The following NPFFR1 variants were observed in gnomAD, a reference collection of about 807,000 sequenced individuals.
NPFFR1 encodes G-protein coupled receptor 147.
In NPFFR1, 17 loss-of-function variants were observed where a neutral mutation model predicts 12.7. That is an observed-to-expected ratio of 1.34 (90% confidence interval 0.92 to 2.01). The LOEUF (loss-of-function observed/expected upper bound fraction) is 2.01, where lower values mean the gene tolerates loss of function less well. NPFFR1 is among the 30% of genes most tolerant of loss of function. The pLI is 0.00. For missense variants in NPFFR1, 604 were observed against 606.5 expected (o/e 1.00, Z 0.04); for synonymous variants, 296 against 264.5 (o/e 1.12, Z -1.16).
chr10:70,277,862 G>T (rs1840820083), intron 1 of NPFFR1: 3 of 484,376 alleles, frequency 6.2e-6, no homozygotes, highest in Admixed American at 2.2e-5. Flanking sequence ...GCAAATGAGG[G>T]TTACTGCCCG....
chr10:70,257,672 G>A (rs940910444), intron 3 of NPFFR1, among the ~76,000 whole-genome samples: 10 of 152,342 alleles, frequency 6.6e-5, no homozygotes, highest in African/African-American at 1.9e-4. Flanking sequence ...ATTAGTAAAA[G>A]AGGAAAGCCT....
chr10:70,280,899 G>A (rs1840854464), intron 1 of NPFFR1, among the ~76,000 whole-genome samples: 2 of 152,224 alleles, frequency 1.3e-5, no homozygotes, highest in Non-Finnish European at 2.9e-5. Context: ...CTACTCAGGA[G>A]GTTGAGGCAA....
Position 70,254,723 on chromosome 10 carries a change from ATG to A in NPFFR1, c.*232_*233del, listed in dbSNP as rs1840543259. 2.4e-6 allele frequency: 1 copy of A among 414,910 alleles called. No homozygotes were observed. The highest frequency in any genetic ancestry group is 3.6e-5 in the East Asian group (1 of 27,916). The allele number at this position is 414,910 out of a possible 1,614,324, so 25.7% of individuals were successfully genotyped here. A position where few individuals can be genotyped will look rare whatever the true frequency, so the allele number is the denominator to read the frequency against. The stretch of plus-strand genomic sequence containing the variant: ...AGCGTTGTGACAATTCAGTGAGATG[ATG>A]TTTGTCAAGCCCACCACACAGGGCA... On this transcript the variant is annotated 3_prime_UTR_variant, in exon 4 of 4. Transcript: ENST00000277942.
rs1022318672 is a variant in NPFFR1, at chr10:70,251,671, G to C, written c.*3286C>G. ...ATCTCCGAACTTGCCGCTTATGAAAGGGCAGTCACCTTAGGAAACCCAGCC... is the reference window on the plus strand; with the variant it reads ...ATCTCCGAACTTGCCGCTTATGAAACGGCAGTCACCTTAGGAAACCCAGCC... On this transcript the variant is annotated 3_prime_UTR_variant, in exon 4 of 4. Transcript: ENST00000277942. The C allele has an allele frequency of 2.0e-5, 3 of 152,266 alleles. No homozygotes were observed. Among genetic ancestry groups the C allele is most frequent in the African/African-American group, 7.2e-5 (3 of 41,458 alleles). 9.4% of individuals were successfully genotyped at this position (152,266 alleles called of 1,614,324 possible).
chr10:70,272,451 C>T (rs909925377), intron 1 of NPFFR1, among the ~76,000 whole-genome samples: 9 of 152,200 alleles, frequency 5.9e-5, no homozygotes, highest in Non-Finnish European at 1.2e-4. Context: ...GATGCAGAGA[C>T]GCTGGACCCG....
At chr10:70,283,463 A>G (rs1477544733) in intron 1 of NPFFR1, among the ~76,000 whole-genome samples, 1 of 151,194 alleles carries the variant, frequency 6.6e-6, no homozygotes. Context: ...ATACACACGC[A>G]CACACACACA....
chr10:70,267,674 C>T (rs1840708100), intron 1 of NPFFR1, among the ~76,000 whole-genome samples: 1 of 152,218 alleles, frequency 6.6e-6, no homozygotes, highest in African/African-American at 2.4e-5. Flanking sequence ...GATGTTGTGT[C>T]ATAAACTTTC....
In NPFFR1 at chr10:70,254,387, T is replaced by C. The variant is rs562647420; in HGVS notation, c.*570A>G. ...GCAGCGGGGGCACACCGTGTTCTTC[T>C]AGAAAAGGATCAAGGGGAGTGGCTT... On this transcript the variant is annotated 3_prime_UTR_variant, in exon 4 of 4. Transcript: ENST00000277942. The C allele has an allele frequency of 1.0e-4, 16 of 152,468 alleles. No homozygotes were observed. The highest frequency in any genetic ancestry group is 3.6e-4 in the African/African-American group (15 of 41,558). The allele number at this position is 152,468 out of a possible 1,614,324, so 9.4% of individuals were successfully genotyped here. A position where few individuals can be genotyped will look rare whatever the true frequency, so the allele number is the denominator to read the frequency against.
intron 1 of NPFFR1, among the ~76,000 whole-genome samples, chr10:70,273,083 A>C (rs1012119855): frequency 1.3e-5 from 2 of 152,224 alleles, no homozygotes; most frequent in Non-Finnish European, 2.9e-5. Context: ...CGTGTGATAA[A>C]ATACTGATGA....
At chr10:70,277,268 C>G (rs1840813761) in intron 1 of NPFFR1, among the ~76,000 whole-genome samples, 1 of 152,192 alleles carries the variant, frequency 6.6e-6, no homozygotes, top group Non-Finnish European at 1.5e-5. Context: ...ATGGAGGCTG[C>G]AGCCCCACAG....
intron 1 of NPFFR1, among the ~76,000 whole-genome samples, chr10:70,272,211 G>GAAAGAAAGAA (rs10664195): frequency 1.8e-5 from 1 of 55,822 alleles, no homozygotes; most frequent in East Asian, 6.5e-4. Flanking sequence ...AAGAAAGAAA[G>GAAAGAAAGAA]GAAAGAAAGA....
chr10:70,255,569 C>G lies in NPFFR1; in HGVS notation c.681G>C (p.Ala227=). Reference sequence around the variant, plus strand: ...ACATGACCACGATGAGCGCCAGCGGCGCCAGGTAGATGTGCGAGAAGAGCA... The same window carrying G: ...ACATGACCACGATGAGCGCCAGCGGGGCCAGGTAGATGTGCGAGAAGAGCA... ...TTVLFSHIYL[A]PLALIVVMYA... is the part of the protein sequence containing the mutation. Residue 227 remains alanine (A), a synonymous_variant, in exon 4 of 4, where the codon GCG becomes GCC. Coordinates refer to ENST00000277942, the MANE Select transcript of NPFFR1 (RefSeq NM_022146.5). The surrounding 1 kb of genome is among the most constrained non-coding windows in gnomAD (Gnocchi z 4.2). 6.4e-7 allele frequency: 1 copy of G among 1,551,310 alleles called. No individual in the cohort carries two copies. The highest frequency in any genetic ancestry group is 8.7e-7 in the Non-Finnish European group (1 of 1,147,242).
chr10:70,261,818 G>C (rs1287278646), intron 2 of NPFFR1, among the ~76,000 whole-genome samples: 1 of 152,140 alleles, frequency 6.6e-6, no homozygotes, highest in African/African-American at 2.4e-5. Context: ...GTCTCGCTCT[G>C]TCACTGAGGC....
At position 70,252,644 on chromosome 10, in the gene NPFFR1, G is replaced by A. The variant is rs1192998509; in HGVS notation, c.*2313C>T. 1 of 152,186 alleles carries A rather than the reference G, an allele frequency of 6.6e-6. No homozygotes were observed. Among genetic ancestry groups the A allele is most frequent in the African/African-American group, 2.4e-5 (1 of 41,432 alleles). The allele number at this position is 152,186 out of a possible 1,614,324, so 9.4% of individuals were successfully genotyped here. On this transcript the variant is annotated 3_prime_UTR_variant, in exon 4 of 4. Transcript: ENST00000277942. ...GTTATCACTCAGATCTGAATGGGCA[G>A]GTATAGCCTCTGATTGATTTTTTAG... is the stretch of plus-strand genomic sequence containing the variant.
rs10823502 is a variant in NPFFR1 at position 70,253,379 on chromosome 10, T to C, written c.*1578A>G. On this transcript the variant is annotated 3_prime_UTR_variant, in exon 4 of 4. Coordinates refer to ENST00000277942, the MANE Select transcript of NPFFR1 (RefSeq NM_022146.5). ...CCCACCTTCCTTGAAAGGCAGCATG[T>C]GGGGTGGGAAGAACAATCAGAAGAC... The C allele has an allele frequency of 0.24, 35,925 of 152,022 alleles. 4,793 individuals carry two copies. The highest frequency in any genetic ancestry group is 0.28 in the South Asian group (1,364 of 4,818). The allele number at this position is 152,022 out of a possible 1,614,324, so 9.4% of individuals were successfully genotyped here.
At chr10:70,277,868 GC>G in intron 1 of NPFFR1, 1 of 491,068 alleles carries the variant, frequency 2.0e-6, no homozygotes, top group Non-Finnish European at 4.1e-6. Context: ...GAGGGTTACT[GC>G]CCGGCTAACC....
intron 1 of NPFFR1, among the ~76,000 whole-genome samples, chr10:70,280,008 C>T (rs1271176245): frequency 1.3e-5 from 2 of 152,158 alleles, no homozygotes; most frequent in South Asian, 2.1e-4. Flanking sequence ...ACTTATTTTA[C>T]GTAGTATAAT....
intron 1 of NPFFR1, among the ~76,000 whole-genome samples, chr10:70,273,239 G>A (rs977255943): frequency 6.6e-6 from 1 of 151,986 alleles, no homozygotes; most frequent in Non-Finnish European, 1.5e-5. Context: ...TCAGGCACTG[G>A]TATTTTTCAA....
At position 70,254,851 on chromosome 10, in the gene NPFFR1, G is replaced by T; in HGVS notation, c.*106C>A. 2 of 1,246,124 alleles carry T rather than the reference G, an allele frequency of 1.6e-6. No homozygotes were observed. The highest frequency in any genetic ancestry group is 2.1e-6 in the Non-Finnish European group (2 of 972,632). 77.2% of individuals were successfully genotyped at this position (1,246,124 alleles called of 1,614,324 possible). On this transcript the variant is annotated 3_prime_UTR_variant, in exon 4 of 4. Transcript: ENST00000277942. ...CCCACCACTGCCTGGCTCTGGAGAGGGAGGGACCACGCATCCTCACCTAAC... is the reference window on the plus strand; with the variant it reads ...CCCACCACTGCCTGGCTCTGGAGAGTGAGGGACCACGCATCCTCACCTAAC...
Sources: allele counts gnomAD v4.1 joint callset (sites outside exome capture counted in the v4.1 genomes callset), GRCh38; gene constraint gnomAD v4.1.1; non-coding constraint Gnocchi (gnomAD v3.1); transcripts MANE v1.5; gene names NCBI Gene and HGNC (gene_info 2026-07-23, HGNC 2026-07-21).